SHISA6: variants seen among roughly 807,000 people sequenced by gnomAD.
SHISA6 encodes the protein shisa family member 6, also known as protein shisa-6.
SHISA6 carries 22 observed loss-of-function variants against 47.9 expected under a neutral mutation model. The ratio of observed to expected loss-of-function variants is 0.46; its 90% confidence interval spans 0.33 to 0.66. The LOEUF is 0.66. Among genes scored for constraint, SHISA6 ranks in the 30% least tolerant of loss-of-function variants. The pLI is 0.02. For synonymous variants in SHISA6, 388 were observed against 337.8 expected, an observed-to-expected ratio of 1.15 and a Z score of -1.63; for missense variants, 680 against 764.6, an observed-to-expected ratio of 0.89 and a Z score of 1.30.
intron 3 of SHISA6, among the ~76,000 whole-genome samples, chr17:11,538,557 A>G (rs1401654819): frequency 6.6e-6 from 1 of 152,212 alleles, no homozygotes; most frequent in Non-Finnish European, 1.5e-5. Context: ...GGCAGCCTTG[A>G]AAATGAAGTT....
intron 1 of SHISA6, among the ~76,000 whole-genome samples, chr17:11,250,660 G>A (rs538118141): frequency 6.6e-6 from 1 of 152,288 alleles, no homozygotes; most frequent in African/African-American, 2.4e-5. Context: ...GCATAGGCCG[G>A]GGCAGAGCCT....
chr17:11,437,668 A>G (rs11655283), intron 3 of SHISA6, among the ~76,000 whole-genome samples: 21,796 of 152,228 alleles, frequency 0.14, 1,962 homozygotes, highest in South Asian at 0.26. Context: ...TATTTTTCCA[A>G]GTTCTCAAAA....
At chr17:11,440,459 C>A (rs1043150304) in intron 3 of SHISA6, among the ~76,000 whole-genome samples, 2 of 151,696 alleles carry the variant, frequency 1.3e-5, no homozygotes, top group Admixed American at 1.3e-4. Context: ...TGGCCTTGCC[C>A]CGGGAGTGAA....
At chr17:11,501,177 A>G (rs570361532) in intron 3 of SHISA6, among the ~76,000 whole-genome samples, 2 of 151,998 alleles carry the variant, frequency 1.3e-5, no homozygotes, top group African/African-American at 4.8e-5. Context: ...CAATGGCACA[A>G]TCTCAGCTCC....
chr17:11,386,560 G>GT (rs957201948), intron 3 of SHISA6, among the ~76,000 whole-genome samples: 2 of 152,050 alleles, frequency 1.3e-5, no homozygotes, highest in Admixed American at 6.6e-5. Context: ...GCTTTGTTTT[G>GT]TTTTTTTAAG....
At chr17:11,312,208 A>T (rs994654151) in intron 2 of SHISA6, among the ~76,000 whole-genome samples, 1 of 152,202 alleles carries the variant, frequency 6.6e-6, no homozygotes, top group Non-Finnish European at 1.5e-5. Context: ...ACTTTTATCC[A>T]TTAATCCTTT....
At chr17:11,366,332 G>A (rs1912448943) in intron 2 of SHISA6, among the ~76,000 whole-genome samples, 1 of 152,268 alleles carries the variant, frequency 6.6e-6, no homozygotes, top group South Asian at 2.1e-4. Context: ...TAGAGGTGGG[G>A]TTTCGCCTTG....
chr17:11,262,855 G>T (rs924132329), intron 1 of SHISA6, among the ~76,000 whole-genome samples: 1 of 152,114 alleles, frequency 6.6e-6, no homozygotes, highest in Admixed American at 6.5e-5. Flanking sequence ...TCCTGTCTTT[G>T]CAGCTCAATC....
At chr17:11,505,489 T>G (rs1245414350) in intron 3 of SHISA6, among the ~76,000 whole-genome samples, 3 of 152,202 alleles carry the variant, frequency 2.0e-5, no homozygotes, top group Non-Finnish European at 4.4e-5. Context: ...TACCTACTCT[T>G]AAGTCTGGCT....
intron 2 of SHISA6, among the ~76,000 whole-genome samples, chr17:11,313,312 A>G (rs34121817): frequency 0.15 from 22,338 of 152,058 alleles, 2,086 homozygotes; most frequent in East Asian, 0.36. Flanking sequence ...ATGTGTTTAA[A>G]TACCACTTAT....
intron 3 of SHISA6, among the ~76,000 whole-genome samples, chr17:11,491,274 G>A (rs952829120): frequency 3.3e-5 from 5 of 152,162 alleles, no homozygotes; most frequent in Non-Finnish European, 5.9e-5. Context: ...GCCAATAAGA[G>A]TTGGGTCTAG....
intron 2 of SHISA6, among the ~76,000 whole-genome samples, chr17:11,350,184 T>TTA (rs869046307): frequency 9.8e-6 from 1 of 101,898 alleles, no homozygotes; most frequent in African/African-American, 3.7e-5. Context: ...ATTTATTTAT[T>TTA]TTTTTTTTTT....
chr17:11,323,187 T>C (rs1234245387), intron 2 of SHISA6, among the ~76,000 whole-genome samples: 1 of 152,176 alleles, frequency 6.6e-6, no homozygotes, highest in Non-Finnish European at 1.5e-5. Context: ...TCTCAAACCG[T>C]TCTAATTTTA....
chr17:11,518,406 G>C (rs1051251939), intron 3 of SHISA6, among the ~76,000 whole-genome samples: 3 of 152,008 alleles, frequency 2.0e-5, no homozygotes, highest in Non-Finnish European at 4.4e-5. Flanking sequence ...AAAGGCTGGG[G>C]ACAGAGATTT....
chr17:11,291,010 TTTA>T (rs1909518113), intron 2 of SHISA6, among the ~76,000 whole-genome samples: 1 of 150,964 alleles, frequency 6.6e-6, no homozygotes, highest in African/African-American at 2.4e-5. Context: ...AATTTAATAA[TTTA>T]TTAATAATTC....
chr17:11,465,044 T>G (rs1915776024), intron 3 of SHISA6, among the ~76,000 whole-genome samples: 1 of 152,206 alleles, frequency 6.6e-6, no homozygotes, highest in South Asian at 2.1e-4. Context: ...TTGCTCCACA[T>G]TACTTACCAA....
At chr17:11,330,754 T>C (rs1266321449) in intron 2 of SHISA6, among the ~76,000 whole-genome samples, 2 of 151,918 alleles carry the variant, frequency 1.3e-5, no homozygotes, top group Non-Finnish European at 1.5e-5. Flanking sequence ...TGTAAGTATC[T>C]AGATGTTTAA....
At chr17:11,433,657 A>G (rs561027314) in intron 3 of SHISA6, among the ~76,000 whole-genome samples, 1 of 152,304 alleles carries the variant, frequency 6.6e-6, no homozygotes, top group Non-Finnish European at 1.5e-5. Context: ...CAGCTGTTAT[A>G]TATTTTTTAA....
intron 3 of SHISA6, among the ~76,000 whole-genome samples, chr17:11,533,646 G>A (rs1237710091): frequency 7.4e-6 from 1 of 134,432 alleles, no homozygotes; most frequent in East Asian, 2.3e-4. Flanking sequence ...AGCCTGGAGT[G>A]CACTGGCACC....
Sources: allele counts gnomAD v4.1 joint callset (sites outside exome capture counted in the v4.1 genomes callset), GRCh38; gene constraint gnomAD v4.1.1; transcripts MANE v1.5; gene names NCBI Gene and HGNC (gene_info 2026-07-23, HGNC 2026-07-21).